Variants in TULP4 observed in about 807,000 individuals in gnomAD.
TULP4 encodes TUB like protein 4, also known as tubby-related protein 4.
In TULP4, 16 loss-of-function variants were observed where a neutral mutation model predicts 129.0. The ratio of observed to expected loss-of-function variants is 0.12; its 90% confidence interval spans 0.08 to 0.19. TULP4 has a LOEUF of 0.19. TULP4 is among the 10% of genes least tolerant of loss of function. The probability of loss-of-function intolerance (pLI) is 1.00; values close to 1 mark genes in which losing one functional copy is unlikely to be tolerated. For synonymous variants in TULP4, 998 were observed against 854.0 expected (o/e 1.17, Z -2.94); for missense variants, 1,842 against 2,059.1 (o/e 0.89, Z 2.04).
At chr6:158,350,262 G>T (rs148150350) in intron 1 of TULP4, among the ~76,000 whole-genome samples, 2 of 4,392 alleles carry the variant, frequency 4.6e-4, no homozygotes, top group Non-Finnish European at 1.0e-3. Flanking sequence ...CGGGCAGAGG[G>T]GCTCCTCACA....
intron 1 of TULP4, among the ~76,000 whole-genome samples, chr6:158,387,608 A>G (rs1443790104): frequency 2.0e-5 from 3 of 152,230 alleles, no homozygotes; most frequent in Admixed American, 6.5e-5. Flanking sequence ...GCTGTAAAAC[A>G]TGACACTGCC....
intron 3 of TULP4, among the ~76,000 whole-genome samples, chr6:158,444,079 G>T (rs189168086): frequency 0.055 from 8,400 of 151,770 alleles, 325 homozygotes; most frequent in Non-Finnish European, 0.075. Flanking sequence ...AATTAGCCTG[G>T]CGTGGTGGCG....
intron 1 of TULP4, among the ~76,000 whole-genome samples, chr6:158,331,027 T>C (rs1779867195): frequency 6.6e-6 from 1 of 152,198 alleles, no homozygotes; most frequent in African/African-American, 2.4e-5. Flanking sequence ...TGCCCCTCAT[T>C]GGTGATGTTA....
chr6:158,337,041 TTCTTTC>T (rs1421794953), intron 1 of TULP4, among the ~76,000 whole-genome samples: 1 of 4,618 alleles, frequency 2.2e-4, no homozygotes, highest in African/African-American at 3.6e-4. Flanking sequence ...TTCTTTTTCT[TTCTTTC>T]TTTCTTTCTT....
chr6:158,434,556 T>C (rs1453243473), intron 3 of TULP4, among the ~76,000 whole-genome samples: 1 of 152,236 alleles, frequency 6.6e-6, no homozygotes, highest in Admixed American at 6.5e-5. Context: ...TCATTGTCTG[T>C]GTTCTCCTTG....
At chr6:158,268,815 A>G (rs903786894) in intron 1 of TULP4, among the ~76,000 whole-genome samples, 3 of 152,126 alleles carry the variant, frequency 2.0e-5, no homozygotes, top group African/African-American at 7.2e-5. Flanking sequence ...CTATTTTTAT[A>G]TGACTTTTTT....
chr6:158,233,004 C>A (rs1056100291), intron 1 of TULP4, among the ~76,000 whole-genome samples: 1 of 152,260 alleles, frequency 6.6e-6, no homozygotes, highest in Non-Finnish European at 1.5e-5. Flanking sequence ...CGCTCCACAA[C>A]GCAGAGCAGG....
At chr6:158,287,971 C>T (rs1778859531) in intron 1 of TULP4, among the ~76,000 whole-genome samples, 1 of 152,050 alleles carries the variant, frequency 6.6e-6, no homozygotes, top group Non-Finnish European at 1.5e-5. Context: ...AGCCCACTGG[C>T]AAAACGGGTG....
At chr6:158,247,674 G>A (rs986300596) in intron 1 of TULP4, among the ~76,000 whole-genome samples, 1 of 152,224 alleles carries the variant, frequency 6.6e-6, no homozygotes, top group African/African-American at 2.4e-5. Context: ...AGCTCTTACA[G>A]GACCATGTTG....
chr6:158,439,170 CA>C lies in TULP4; in HGVS notation c.543+9283del, dbSNP rs10679091. On this transcript the variant is annotated intron_variant, in intron 3 of 13. Coordinates refer to ENST00000367097, the MANE Select transcript of TULP4 (RefSeq NM_020245.5). The stretch of plus-strand genomic sequence containing the variant: ...TGGGTGACAGAGCAAGACTCCGTCT[CA>C]AAAAAAAAATAATAATAATTTACCG... 8.1e-5 allele frequency among the ~76,000 whole-genome samples: 12 copies of C among 148,306 alleles called. No individual in the cohort carries two copies. In the East Asian group the frequency reaches 1.4e-3, roughly 17 times the overall value.
chr6:158,378,819 T>C (rs1160004954), intron 1 of TULP4, among the ~76,000 whole-genome samples: 1 of 152,056 alleles, frequency 6.6e-6, no homozygotes, highest in Non-Finnish European at 1.5e-5. Context: ...ATAAATTCAG[T>C]TTGGAAATGT....
chr6:158,303,872 C>T (rs1374290655), intron 1 of TULP4, among the ~76,000 whole-genome samples: 1 of 152,090 alleles, frequency 6.6e-6, no homozygotes, highest in Non-Finnish European at 1.5e-5. Flanking sequence ...AAATATCTTC[C>T]CTAATTTATC....
At chr6:158,434,517 T>C (rs1489580554) in intron 3 of TULP4, among the ~76,000 whole-genome samples, 1 of 152,226 alleles carries the variant, frequency 6.6e-6, no homozygotes, top group East Asian at 1.9e-4. Flanking sequence ...ACATCCAGCA[T>C]CACAGCAGGG....
At chr6:158,261,938 C>T (rs545583874) in intron 1 of TULP4, among the ~76,000 whole-genome samples, 1 of 152,180 alleles carries the variant, frequency 6.6e-6, no homozygotes, top group African/African-American at 2.4e-5. Flanking sequence ...AAAGATCTTT[C>T]CTGGAAGCTC....
chr6:158,378,169 C>T (rs552950621), intron 1 of TULP4, among the ~76,000 whole-genome samples: 1 of 152,266 alleles, frequency 6.6e-6, no homozygotes, highest in African/African-American at 2.4e-5. Context: ...GGAACTGGCA[C>T]ATCCTCTCTT....
At chr6:158,284,940 C>T (rs181073741) in intron 1 of TULP4, among the ~76,000 whole-genome samples, 8 of 152,326 alleles carry the variant, frequency 5.3e-5, no homozygotes, top group East Asian at 1.9e-4. Flanking sequence ...TTTTCTGCCT[C>T]AGATATGTCT....
chr6:158,410,605 A>G (rs1778076448), intron 1 of TULP4, among the ~76,000 whole-genome samples: 1 of 152,226 alleles, frequency 6.6e-6, no homozygotes, highest in Admixed American at 6.5e-5. Flanking sequence ...TGTGTTAGGG[A>G]CCAAATTGTA....
Position 158,481,238 on chromosome 6 carries a change from A to G in TULP4, c.1435A>G (p.Lys479Glu). Residue 479 changes from lysine (K) to glutamate (E), a missense_variant, in exon 8 of 14, where the codon AAG becomes GAG. Coordinates refer to ENST00000367097, the MANE Select transcript of TULP4 (RefSeq NM_020245.5). The part of the protein sequence containing the change: ...VPILKGRRIS[K>E]LRPEFVIMDP... The stretch of plus-strand genomic sequence containing the variant: ...CATCCTCAAAGGGCGGCGCATCAGC[A>G]AGCTGCGGCCAGAGTTCGTCATCAT... 1 of 1,614,206 alleles carries G rather than the reference A, an allele frequency of 6.2e-7. No homozygotes were observed. The highest frequency in any genetic ancestry group is 8.5e-7 in the Non-Finnish European group (1 of 1,180,024).
chr6:158,321,676 C>T (rs535704148), intron 1 of TULP4, among the ~76,000 whole-genome samples: 114 of 152,262 alleles, frequency 7.5e-4, no homozygotes, highest in African/African-American at 2.6e-3. Flanking sequence ...TTAGCAAGAC[C>T]TCCCACTGTA....
Sources: allele counts gnomAD v4.1 joint callset (sites outside exome capture counted in the v4.1 genomes callset), GRCh38; gene constraint gnomAD v4.1.1; transcripts MANE v1.5; gene names NCBI Gene and HGNC (gene_info 2026-07-23, HGNC 2026-07-21).